Variants in ADCY2 observed in about 807,000 individuals in gnomAD.
ADCY2 encodes the protein adenylate cyclase 2.
ADCY2 carries 31 observed loss-of-function variants against 125.2 expected under a neutral mutation model. The observed-to-expected ratio is 0.25, with a 90% confidence interval of 0.19 to 0.33. The LOEUF (loss-of-function observed/expected upper bound fraction) is 0.33. Ranked by LOEUF, ADCY2 falls within the 10% of genes least tolerant of loss-of-function variation. The pLI is 1.00. For synonymous variants in ADCY2, 512 were observed against 548.4 expected (o/e 0.93, Z 0.93); for missense variants, 904 against 1,418.2 (o/e 0.64, Z 5.82).
intron 2 of ADCY2, among the ~76,000 whole-genome samples, chr5:7,501,796 C>T (rs1743604847): frequency 6.6e-6 from 1 of 151,984 alleles, no homozygotes; most frequent in South Asian, 2.1e-4. Context: ...AAGGGGCGTC[C>T]ACCAGGCAGG....
At chr5:7,459,917 G>C (rs1246281618) in intron 2 of ADCY2, among the ~76,000 whole-genome samples, 3 of 150,626 alleles carry the variant, frequency 2.0e-5, no homozygotes, top group Admixed American at 6.6e-5. Flanking sequence ...CTCCGGAGTA[G>C]CTGGGACTAC....
At chr5:7,783,927 T>G (rs2306051) in intron 18 of ADCY2, among the ~76,000 whole-genome samples, 22,361 of 152,196 alleles carry the variant, frequency 0.15, 2,446 homozygotes, top group East Asian at 0.62. Context: ...GAAAGTTATA[T>G]GAAACTGTGT....
chr5:7,651,968 A>C (rs1207619732), intron 4 of ADCY2, among the ~76,000 whole-genome samples: 1 of 151,996 alleles, frequency 6.6e-6, no homozygotes, highest in Non-Finnish European at 1.5e-5. Flanking sequence ...ATGACCAGTT[A>C]ATTTTTGTAG....
intron 1 of ADCY2, among the ~76,000 whole-genome samples, chr5:7,408,086 G>T (rs1739571008): frequency 6.6e-6 from 1 of 151,584 alleles, no homozygotes; most frequent in South Asian, 2.1e-4. Flanking sequence ...TGGCCAGGAT[G>T]GTCTTGATCT....
In ADCY2 at chr5:7,397,187, C is replaced by T. The variant is rs1429648756; in HGVS notation, c.210+681C>T. Among the ~76,000 whole-genome samples the T allele has an allele frequency of 2.0e-5, 3 of 152,052 alleles. No homozygotes were observed. In the East Asian group the frequency reaches 5.8e-4, roughly 29 times the overall value. The stretch of plus-strand genomic sequence containing the variant: ...TGCTTTCCCGTTTCTAAAGAAGTAA[C>T]GTGTTTAGGGTTTTGGACAGGTTAT... On this transcript the variant is annotated intron_variant, in intron 1 of 24. Transcript: ENST00000338316.
At chr5:7,665,282 C>T (rs977943438) in intron 4 of ADCY2, among the ~76,000 whole-genome samples, 11 of 152,150 alleles carry the variant, frequency 7.2e-5, no homozygotes, top group Non-Finnish European at 1.0e-4. Flanking sequence ...TCACAGCTGC[C>T]GCCTGGATGT....
intron 3 of ADCY2, among the ~76,000 whole-genome samples, chr5:7,549,298 GGCA>G (rs1222374048): frequency 6.6e-6 from 1 of 152,182 alleles, no homozygotes; most frequent in Non-Finnish European, 1.5e-5. Flanking sequence ...CCCTGGCGAA[GGCA>G]GCACTCCCAT....
At chr5:7,766,665 GA>G (rs749402558) in intron 16 of ADCY2, 21 bp from the exon 17 acceptor site, 17 of 1,608,862 alleles carry the variant, frequency 1.1e-5, no homozygotes, top group Middle Eastern at 3.3e-4. Flanking sequence ...TTAATTCATT[GA>G]AAAAAACCTT....
intron 3 of ADCY2, among the ~76,000 whole-genome samples, chr5:7,602,156 T>A (rs1737233073): frequency 6.6e-6 from 1 of 152,238 alleles, no homozygotes; most frequent in Non-Finnish European, 1.5e-5. Flanking sequence ...AATCATAAAC[T>A]TAGTTACATT....
chr5:7,682,856 A>C (rs1188228250), intron 4 of ADCY2, among the ~76,000 whole-genome samples: 1 of 152,250 alleles, frequency 6.6e-6, no homozygotes, highest in Non-Finnish European at 1.5e-5. Flanking sequence ...AATAATTTGC[A>C]TGTAGGATAA....
At chr5:7,476,664 G>A (rs1454892497) in intron 2 of ADCY2, among the ~76,000 whole-genome samples, 1 of 152,122 alleles carries the variant, frequency 6.6e-6, no homozygotes, top group Non-Finnish European at 1.5e-5. Context: ...CCCAAAAGCC[G>A]CTTCTCAGAG....
intron 14 of ADCY2, among the ~76,000 whole-genome samples, chr5:7,730,434 A>G (rs1267916069): frequency 6.6e-6 from 1 of 152,156 alleles, no homozygotes; most frequent in Non-Finnish European, 1.5e-5. Flanking sequence ...ATTATAGTCA[A>G]TGTTTATTTA....
intron 18 of ADCY2, among the ~76,000 whole-genome samples, chr5:7,783,268 A>T (rs974873482): frequency 1.3e-5 from 2 of 152,184 alleles, no homozygotes; most frequent in Non-Finnish European, 2.9e-5. Context: ...AATCACAAGT[A>T]TCATTTGGAA....
intron 2 of ADCY2, among the ~76,000 whole-genome samples, chr5:7,423,534 C>T (rs543732588): frequency 1.3e-5 from 2 of 152,278 alleles, no homozygotes; most frequent in Admixed American, 6.5e-5. Flanking sequence ...CACACACTCT[C>T]TTGCCTGCCA....
At chr5:7,617,877 T>C (rs930352278) in intron 3 of ADCY2, among the ~76,000 whole-genome samples, 1 of 152,210 alleles carries the variant, frequency 6.6e-6, no homozygotes, top group African/African-American at 2.4e-5. Flanking sequence ...CTAATGAATA[T>C]GATTAATGAA....
At chr5:7,716,020 T>G (rs138161457) in intron 11 of ADCY2, among the ~76,000 whole-genome samples, 81 of 152,344 alleles carry the variant, frequency 5.3e-4, no homozygotes, top group African/African-American at 1.9e-3. Context: ...ATCTTTGCAG[T>G]GGATATTTAA....
chr5:7,411,678 TAG>T (rs1045059199), intron 1 of ADCY2, among the ~76,000 whole-genome samples: 7 of 151,862 alleles, frequency 4.6e-5, no homozygotes, highest in African/African-American at 1.7e-4. Flanking sequence ...AGAGAAAAAA[TAG>T]AGAGTTTACA....
chr5:7,744,348 C>A (rs139223611), intron 15 of ADCY2, among the ~76,000 whole-genome samples: 2,727 of 152,118 alleles, frequency 0.018, 77 homozygotes, highest in African/African-American at 0.062. Flanking sequence ...TGTAACAAAC[C>A]TGCACATTCA....
intron 2 of ADCY2, among the ~76,000 whole-genome samples, chr5:7,512,034 A>G (rs1386433861): frequency 6.6e-5 from 10 of 151,902 alleles, no homozygotes; most frequent in Non-Finnish European, 1.3e-4. Flanking sequence ...CAGCCTGGAC[A>G]ACATGGTGAA....
Sources: gnomAD v4.1 joint callset for allele counts (sites outside exome capture counted in the v4.1 genomes callset) on GRCh38, gnomAD v4.1.1 for gene constraint, MANE v1.5 for transcripts, NCBI Gene and HGNC (gene_info 2026-07-23, HGNC 2026-07-21) for gene names.